Variants in KDM4B observed in about 807,000 individuals in gnomAD.
KDM4B encodes the protein lysine demethylase 4B.
A neutral mutation model predicts 125.2 loss-of-function variants in KDM4B; 32 were observed. The observed-to-expected ratio is 0.26, with a 90% CI of 0.19 to 0.34. KDM4B has a LOEUF of 0.34. Among genes scored for constraint, KDM4B ranks in the 10% least tolerant of loss-of-function variants. The pLI is 1.00. For missense variants in KDM4B, 1,190 were observed against 1,577.7 expected (o/e 0.75, Z 4.16); for synonymous variants, 721 against 677.9 (o/e 1.06, Z -0.99).
chr19:5,032,311 G>C (rs1188436057), intron 2 of KDM4B, among the ~76,000 whole-genome samples: 1 of 152,196 alleles, frequency 6.6e-6, no homozygotes, highest in Non-Finnish European at 1.5e-5. Context: ...CGTCTTGGGC[G>C]GGCCTGCTGC....
At chr19:4,983,675 T>C (rs1486192246) in intron 1 of KDM4B, among the ~76,000 whole-genome samples, 1 of 152,136 alleles carries the variant, frequency 6.6e-6, no homozygotes, top group East Asian at 1.9e-4. Flanking sequence ...GGGAAGAGAA[T>C]GGCAGGAAGT....
At chr19:5,087,187 A>C (rs759236325) in intron 9 of KDM4B, among the ~76,000 whole-genome samples, 4 of 152,240 alleles carry the variant, frequency 2.6e-5, no homozygotes, top group Non-Finnish European at 5.9e-5. Context: ...CACGGAGGCC[A>C]TTGTCAAGGA....
At chr19:5,107,904 G>C (rs936825755) in intron 9 of KDM4B, among the ~76,000 whole-genome samples, 1 of 152,196 alleles carries the variant, frequency 6.6e-6, no homozygotes, top group African/African-American at 2.4e-5. Context: ...TTGCTTCTTG[G>C]GTGTCCTGGC....
chr19:4,969,256 C>G (rs1219568605), intron 1 of KDM4B, 26 bp downstream of exon 1: 1 of 147,324 alleles, frequency 6.8e-6, no homozygotes, highest in East Asian at 2.0e-4. Flanking sequence ...GGCCGCCCGG[C>G]CGTGTCCGAG....
At chr19:5,062,614 T>C (rs2037638383) in intron 6 of KDM4B, among the ~76,000 whole-genome samples, 1 of 152,180 alleles carries the variant, frequency 6.6e-6, no homozygotes, top group South Asian at 2.1e-4. Flanking sequence ...TAGAGTGTTC[T>C]GTTAATGTTC....
In KDM4B at chr19:5,063,225, T is replaced by C. The variant is rs137982568; in HGVS notation, c.627-7785T>C. 5.8e-3 allele frequency among the ~76,000 whole-genome samples: 877 copies of C among 152,294 alleles called. 9 individuals carry two copies. The highest frequency in any genetic ancestry group is 0.02 in the African/African-American group (830 of 41,570). On this transcript the variant is annotated intron_variant, in intron 6 of 22. Coordinates refer to ENST00000159111, the MANE Select transcript of KDM4B (RefSeq NM_015015.3). The stretch of plus-strand genomic sequence containing the variant: ...TCTTTGCAACCTTGGAGATAAACTC[T>C]TCTTGGTCTTGCAATAGCCTACTGT...
chr19:5,131,223 C>A lies in KDM4B; in HGVS notation c.1463C>A (p.Pro488Gln). ...TGGCTGCCATCCCCACTGGAGCCCC[C>A]GGTGCTGGGCCCAGGCCCTGCAGCC... The part of the protein sequence containing the change: ...ALWLPSPLEP[P>Q]VLGPGPAAME... Residue 488 changes from proline to glutamine, a missense_variant, in exon 12 of 23, where the codon CCG becomes CAG. By Grantham distance (76) the Pro-to-Gln change is moderately conservative (BLOSUM62 -1). Coordinates refer to ENST00000159111, the MANE Select transcript of KDM4B (RefSeq NM_015015.3). The A allele has an allele frequency of 6.2e-7, 1 of 1,606,108 alleles. No homozygotes were observed. Among genetic ancestry groups the A allele is most frequent in the East Asian group, 2.2e-5 (1 of 44,578 alleles).
At chr19:5,131,838 C>G in intron 12 of KDM4B, 49 bp from the exon 13 acceptor site, 2 of 1,611,974 alleles carry the variant, frequency 1.2e-6, no homozygotes, top group South Asian at 1.1e-5. Flanking sequence ...GGGAGCCCCA[C>G]CCAGGGGTCT....
intron 2 of KDM4B, among the ~76,000 whole-genome samples, chr19:5,024,783 A>G (rs2036228382): frequency 6.6e-6 from 1 of 152,036 alleles, no homozygotes; most frequent in South Asian, 2.1e-4. Context: ...ACCTCGTCCT[A>G]CTAAAAATAC....
At chr19:5,108,487 G>A (rs573330108) in intron 9 of KDM4B, among the ~76,000 whole-genome samples, 1 of 152,186 alleles carries the variant, frequency 6.6e-6, no homozygotes, top group African/African-American at 2.4e-5. Context: ...GGGTAAGGTG[G>A]GGGGAGGCAC....
At chr19:5,083,402 C>T (rs1043695941) in intron 9 of KDM4B, among the ~76,000 whole-genome samples, 11 of 152,300 alleles carry the variant, frequency 7.2e-5, no homozygotes, top group African/African-American at 2.2e-4. Flanking sequence ...AATCCTAAGC[C>T]TCAGAAAGGG....
chr19:4,991,856 T>C (rs1215214508), intron 1 of KDM4B, among the ~76,000 whole-genome samples: 1 of 152,230 alleles, frequency 6.6e-6, no homozygotes, highest in African/African-American at 2.4e-5. Context: ...TCACAGCGTA[T>C]TTAACCTCTT....
chr19:5,033,331 A>G (rs933045250), intron 3 of KDM4B, among the ~76,000 whole-genome samples: 11 of 152,204 alleles, frequency 7.2e-5, no homozygotes, highest in Non-Finnish European at 1.3e-4. Flanking sequence ...GTGGGCCACC[A>G]GGTTGTTCTG....
chr19:4,989,311 TTC>T (rs1056421232), intron 1 of KDM4B, among the ~76,000 whole-genome samples: 15 of 152,144 alleles, frequency 9.9e-5, no homozygotes, highest in African/African-American at 3.4e-4. Flanking sequence ...TTTTTTCTGT[TTC>T]TGTTTCTTTT....
At chr19:5,022,339 G>A (rs1875577940) in intron 2 of KDM4B, among the ~76,000 whole-genome samples, 1 of 152,262 alleles carries the variant, frequency 6.6e-6, no homozygotes, top group South Asian at 2.1e-4. Flanking sequence ...ACCTCTCTTG[G>A]GTACGTAGGG....
intron 6 of KDM4B, among the ~76,000 whole-genome samples, chr19:5,051,349 G>A (rs368310043): frequency 1.2e-4 from 19 of 152,244 alleles, no homozygotes; most frequent in East Asian, 1.2e-3. Flanking sequence ...CCCATGTGCC[G>A]GGCTGGGACC....
intron 1 of KDM4B, among the ~76,000 whole-genome samples, chr19:4,982,179 G>A (rs2034663664): frequency 6.6e-6 from 1 of 152,044 alleles, no homozygotes; most frequent in African/African-American, 2.4e-5. Flanking sequence ...TGTAATCCCA[G>A]CTACTTGGAG....
intron 9 of KDM4B, among the ~76,000 whole-genome samples, chr19:5,092,487 G>T (rs2038729527): frequency 6.6e-6 from 1 of 152,230 alleles, no homozygotes; most frequent in African/African-American, 2.4e-5. Context: ...CTGCCCAGGA[G>T]CTCCGGGGGG....
intron 2 of KDM4B, among the ~76,000 whole-genome samples, chr19:5,029,394 T>C (rs2036380579): frequency 6.6e-6 from 1 of 152,204 alleles, no homozygotes; most frequent in Non-Finnish European, 1.5e-5. Flanking sequence ...ACCTGGAAGG[T>C]CAGTCACAGG....
Sources: allele counts gnomAD v4.1 joint callset (sites outside exome capture counted in the v4.1 genomes callset), GRCh38; gene constraint gnomAD v4.1.1; transcripts MANE v1.5; gene names NCBI Gene and HGNC (gene_info 2026-07-23, HGNC 2026-07-21).